SLC7A6: variants seen among roughly 807,000 people sequenced by gnomAD.
SLC7A6 encodes solute carrier family 7 member 6.
In SLC7A6, 29 loss-of-function variants were observed where a neutral mutation model predicts 46.6. The observed-to-expected ratio is 0.62, with a 90% CI of 0.46 to 0.85. SLC7A6 has a LOEUF of 0.85. Ranked by LOEUF, SLC7A6 falls within the 40% of genes least tolerant of loss-of-function variation. SLC7A6 has a pLI of 0.00. For missense variants in SLC7A6, 527 were observed against 647.6 expected, an observed-to-expected ratio of 0.81 and a Z score of 2.02; for synonymous variants, 276 against 257.3, an observed-to-expected ratio of 1.07 and a Z score of -0.70.
chr16:68,287,824 T>C lies in SLC7A6; in HGVS notation c.602T>C (p.Val201Ala). Reference sequence around the variant, plus strand: ...GACACGTTCACTTACGCCAAGGTCGTAGCGCTCATTGCCATCATTGTCATG... The same window carrying C: ...GACACGTTCACTTACGCCAAGGTCGCAGCGCTCATTGCCATCATTGTCATG... ...VQDTFTYAKV[V>A]ALIAIIVMGL... is the part of the protein sequence containing the mutation. Residue 201 changes from valine to alanine, a missense_variant, in exon 4 of 11, where the codon GTA (valine) becomes GCA (alanine). By Grantham distance (64) the Val-to-Ala change is moderately conservative (BLOSUM62 0). Coordinates refer to ENST00000219343, the MANE Select transcript of SLC7A6 (RefSeq NM_003983.6). 4 of 1,614,218 alleles carry C rather than the reference T, an allele frequency of 2.5e-6. No individual in the cohort carries two copies. The highest frequency in any genetic ancestry group is 3.4e-6 in the Non-Finnish European group (4 of 1,180,036).
chr16:68,274,572 G>T, intron 2 of SLC7A6, 119 bp from the exon 3 acceptor site: 1 of 769,860 alleles, frequency 1.3e-6, no homozygotes, highest in Non-Finnish European at 2.1e-6. Flanking sequence ...CAGGCCTATT[G>T]TAGTTAGGGC....
At chr16:68,281,182 G>T (rs946916491) in intron 3 of SLC7A6, among the ~76,000 whole-genome samples, 3 of 152,122 alleles carry the variant, frequency 2.0e-5, no homozygotes, top group Non-Finnish European at 4.4e-5. Context: ...TGGCTTTCTG[G>T]CTGTACCCCA....
chr16:68,290,059 A>G (rs2043017245), intron 4 of SLC7A6: 1 of 219,460 alleles, frequency 4.6e-6, no homozygotes, highest in Non-Finnish European at 9.0e-6. Context: ...GTTTTGGAAG[A>G]AGTATTGTCA....
At position 68,296,632 on chromosome 16, in the gene SLC7A6, CGT is replaced by C; in HGVS notation, c.1278_1279del (p.Phe428ProfsTer19). 2 of 1,614,168 alleles carry C rather than the reference CGT, an allele frequency of 1.2e-6. No homozygotes were observed. Among genetic ancestry groups the C allele is most frequent in the Non-Finnish European group, 1.7e-6 (2 of 1,180,026 alleles). On this transcript the variant is annotated frameshift_variant, in exon 10 of 11. Coordinates refer to ENST00000219343, the MANE Select transcript of SLC7A6 (RefSeq NM_003983.6). LOFTEE classifies it high-confidence loss of function. ...TCTCACCCCCTCTATTTCAGCTGAG[CGT>C]GTTTTTCCCCATCGTGTTCTGCATA... Reference protein sequence around the residue: ...PKRPRPLKLSVFFPIVFCICS... With the variant: ...PKRPRPLKLSXFFPIVFCICS...
intron 7 of SLC7A6, among the ~76,000 whole-genome samples, chr16:68,293,368 G>C (rs1474981933): frequency 6.6e-6 from 1 of 152,202 alleles, no homozygotes; most frequent in Admixed American, 6.5e-5. Context: ...AGGTTGCAGT[G>C]AGCCGAGATC....
At chr16:68,275,331 C>G in intron 3 of SLC7A6, 82 bp downstream of exon 3, 1 of 1,525,854 alleles carries the variant, frequency 6.6e-7, no homozygotes, top group Non-Finnish European at 8.9e-7. Flanking sequence ...CGCGGTGGCT[C>G]ATGCCTATAA....
chr16:68,299,439 C>T lies in SLC7A6; in HGVS notation c.*2111C>T, dbSNP rs1849961222. 1 of 152,600 alleles carries T rather than the reference C, an allele frequency of 6.6e-6. No homozygotes were observed. Among genetic ancestry groups the T allele is most frequent in the Admixed American group, 6.5e-5 (1 of 15,268 alleles). 9.5% of individuals were successfully genotyped at this position (152,600 alleles called of 1,614,324 possible). A position where few individuals can be genotyped will look rare whatever the true frequency, so the allele number is the denominator to read the frequency against. The stretch of plus-strand genomic sequence containing the variant: ...GCATTTTTCCCCTCTGTGCTGGATA[C>T]AGACTTCTCCCAGGATCCTCTCTTT... On this transcript the variant is annotated 3_prime_UTR_variant, in exon 11 of 11. Coordinates refer to ENST00000219343, the MANE Select transcript of SLC7A6 (RefSeq NM_003983.6).
In SLC7A6 at chr16:68,297,513, A is replaced by T; in HGVS notation, c.*185A>T. ...GAGACTCAGGATCTGGGCCAACCTC[A>T]AGGTGGGGGCTTCAGAGGGTGGGGG... is the stretch of plus-strand genomic sequence containing the variant. On this transcript the variant is annotated 3_prime_UTR_variant, in exon 11 of 11. Transcript: ENST00000219343. The T allele has an allele frequency of 4.1e-6, 1 of 241,292 alleles. No homozygotes were observed. The highest frequency in any genetic ancestry group is 8.0e-6 in the Non-Finnish European group (1 of 124,574). 14.9% of individuals were successfully genotyped at this position (241,292 alleles called of 1,614,324 possible). A position where few individuals can be genotyped will look rare whatever the true frequency, so the allele number is the denominator to read the frequency against.
Position 68,301,283 on chromosome 16 carries a change from A to C in SLC7A6, c.*3955A>C. On this transcript the variant is annotated 3_prime_UTR_variant, in exon 11 of 11. Coordinates refer to ENST00000219343, the MANE Select transcript of SLC7A6 (RefSeq NM_003983.6). ...TGGACATCACAAGACCATCAGTCTG[A>C]ATCCAGGTCGTGGGGGCTGTCATAG... 1 of 1,614,084 alleles carries C rather than the reference A, an allele frequency of 6.2e-7. No homozygotes were observed. Among genetic ancestry groups the C allele is most frequent in the Non-Finnish European group, 8.5e-7 (1 of 1,179,958 alleles).
At chr16:68,277,547 G>A (rs961169694) in intron 3 of SLC7A6, among the ~76,000 whole-genome samples, 5 of 151,790 alleles carry the variant, frequency 3.3e-5, no homozygotes, top group Non-Finnish European at 7.4e-5. Context: ...TCCTGACCTC[G>A]TGATCCGCCC....
At chr16:68,290,730 C>A in intron 5 of SLC7A6, 190 bp downstream of exon 5, 1 of 682,130 alleles carries the variant, frequency 1.5e-6, no homozygotes. Context: ...CTTCGGCTCC[C>A]TGTCCTCACG....
At chr16:68,284,730 T>C in intron 3 of SLC7A6, 1 of 688,458 alleles carries the variant, frequency 1.5e-6, no homozygotes, top group Non-Finnish European at 1.8e-6. Context: ...ACTGCCAGGA[T>C]ATTGTCAGAC....
At position 68,301,144 on chromosome 16, in the gene SLC7A6, CGATATGCTT is replaced by C. The variant is rs1789376691; in HGVS notation, c.*3826_*3834del. Reference sequence around the variant, plus strand: ...TTCACTGTGGTGGGATGGTGCCGCCCGATATGCTTGATATGCTTTTCCTTCCACATGTTA... The same window carrying C: ...TTCACTGTGGTGGGATGGTGCCGCCCGATATGCTTTTCCTTCCACATGTTA... On this transcript the variant is annotated 3_prime_UTR_variant, in exon 11 of 11. Coordinates refer to ENST00000219343, the MANE Select transcript of SLC7A6 (RefSeq NM_003983.6). The C allele has an allele frequency of 1.4e-6, 2 of 1,455,676 alleles. No individual in the cohort carries two copies. The highest frequency in any genetic ancestry group is 1.4e-5 in the African/African-American group (1 of 70,406). The allele number at this position is 1,455,676 out of a possible 1,614,324, so 90.2% of individuals were successfully genotyped here. A position where few individuals can be genotyped will look rare whatever the true frequency, so the allele number is the denominator to read the frequency against.
At position 68,296,616 on chromosome 16, in the gene SLC7A6, CT is replaced by C; in HGVS notation, c.1270-10del. 1.2e-6 allele frequency: 2 copies of C among 1,614,164 alleles called. No homozygotes were observed. The highest frequency in any genetic ancestry group is 1.7e-6 in the Non-Finnish European group (2 of 1,179,996). The stretch of plus-strand genomic sequence containing the variant: ...CCCACGTTACTTAATCTCTCACCCC[CT>C]CTATTTCAGCTGAGCGTGTTTTTCC... On this transcript the variant is annotated splice_polypyrimidine_tract_variant and intron_variant, in intron 9 of 10. Coordinates refer to ENST00000219343, the MANE Select transcript of SLC7A6 (RefSeq NM_003983.6).
intron 3 of SLC7A6, among the ~76,000 whole-genome samples, chr16:68,285,745 C>T (rs1036867791): frequency 1.3e-5 from 2 of 152,074 alleles, no homozygotes; most frequent in African/African-American, 2.4e-5. Context: ...AAAATCTTAC[C>T]ACCTTGGTTC....
chr16:68,296,283 G>A, intron 8 of SLC7A6, 81 bp from the exon 9 acceptor site: 1 of 1,522,316 alleles, frequency 6.6e-7, no homozygotes, highest in Non-Finnish European at 9.0e-7. Flanking sequence ...ATCAGATCTA[G>A]TACTGACTGC....
At chr16:68,287,698 T>C (rs750913320) in intron 3 of SLC7A6, 48 bp from the exon 4 acceptor site, 2 of 1,598,216 alleles carry the variant, frequency 1.3e-6, no homozygotes, top group South Asian at 2.2e-5. Flanking sequence ...GTTGGGCCCC[T>C]GTGCCCTCAA....
Position 68,287,762 on chromosome 16 carries a change from G to C in SLC7A6, c.540G>C (p.Val180=). The C allele has an allele frequency of 1.2e-6, 2 of 1,613,932 alleles. No homozygotes were observed. The highest frequency in any genetic ancestry group is 2.2e-5 in the South Asian group (2 of 91,046). Residue 180 remains valine (V), a synonymous_variant, in exon 4 of 11, where the codon GTG becomes GTC. Coordinates refer to ENST00000219343, the MANE Select transcript of SLC7A6 (RefSeq NM_003983.6). Reference sequence around the variant, plus strand: ...TCCTCCTAGGTCTGCTGACATTTGTGAACTGTGCCTATGTCAAGTGGGGCA... The same window carrying C: ...TCCTCCTAGGTCTGCTGACATTTGTCAACTGTGCCTATGTCAAGTGGGGCA... ...AAACICLLTF[V]NCAYVKWGTR... is the part of the protein sequence containing the mutation.
intron 3 of SLC7A6, among the ~76,000 whole-genome samples, chr16:68,286,978 C>G (rs918520855): frequency 4.0e-5 from 6 of 149,452 alleles, no homozygotes; most frequent in Non-Finnish European, 8.9e-5. Context: ...ATATAACAGA[C>G]TTTTCTTTTT....
Sources: gnomAD v4.1 joint callset for allele counts (sites outside exome capture counted in the v4.1 genomes callset) on GRCh38, gnomAD v4.1.1 for gene constraint, MANE v1.5 for transcripts, NCBI Gene and HGNC (gene_info 2026-07-23, HGNC 2026-07-21) for gene names.